Variants in DDX6 observed in about 807,000 individuals in gnomAD.
The protein encoded by DDX6 is probable ATP-dependent RNA helicase DDX6.
Under a neutral mutation model 60.6 loss-of-function variants are expected in DDX6, and 7 were observed. The ratio of observed to expected loss-of-function variants is 0.12; its 90% CI spans 0.07 to 0.22. The LOEUF (loss-of-function observed/expected upper bound fraction) is 0.22, where lower values mean the gene tolerates loss of function less well. DDX6 is among the 10% of genes least tolerant of loss of function. The pLI is 1.00. For missense variants in DDX6, 270 were observed against 589.9 expected (o/e 0.46, Z 5.62); for synonymous variants, 207 against 201.0 (o/e 1.03, Z -0.25).
At chr11:118,766,311 A>G (rs942423504) in intron 5 of DDX6, among the ~76,000 whole-genome samples, 16 of 151,438 alleles carry the variant, frequency 1.1e-4, no homozygotes, top group African/African-American at 3.9e-4. Flanking sequence ...GCATGTGCCT[A>G]TAGTCTCAGC....
rs570557748 is a variant in DDX6, at chr11:118,780,979, A to G, written c.264+142T>C. ...CACAAAATGGGAATATATAGCCTGA[A>G]TATCTATCTTACTGGGTTGGAGGAG... On this transcript the variant is annotated intron_variant, in intron 3 of 13. Transcript: ENST00000534980. 9.1e-6 allele frequency: 5 copies of G among 552,454 alleles called. No individual in the cohort carries two copies. The South Asian group carries it at 1.1e-4, about 12-fold the overall frequency. The allele number at this position is 552,454 out of a possible 1,614,324, so 34.2% of individuals were successfully genotyped here.
chr11:118,765,990 G>A (rs1302645299), intron 5 of DDX6, among the ~76,000 whole-genome samples: 3 of 151,682 alleles, frequency 2.0e-5, no homozygotes, highest in Admixed American at 2.0e-4. Flanking sequence ...AGAATCGCTT[G>A]AACCCGAGAG....
chr11:118,784,354 G>A (rs1231409728), intron 2 of DDX6, among the ~76,000 whole-genome samples: 1 of 151,986 alleles, frequency 6.6e-6, no homozygotes, highest in Non-Finnish European at 1.5e-5. Flanking sequence ...CTATTTTTCT[G>A]TAGGAAGTGA....
Position 118,779,616 on chromosome 11 carries a change from A to G in DDX6, c.369+16T>C, listed in dbSNP as rs374713882. ...GACACATAACCTTACATATGTGATA[A>G]AAAGGGTTAACATACCTGAATAGGA... On this transcript the variant is annotated intron_variant, in intron 4 of 13. Coordinates refer to ENST00000534980, the MANE Select transcript of DDX6 (RefSeq NM_004397.6). 1.9e-5 allele frequency: 30 copies of G among 1,548,234 alleles called. No individual in the cohort carries two copies. Among genetic ancestry groups the G allele is most frequent in the African/African-American group, 4.1e-5 (3 of 73,634 alleles).
At chr11:118,779,606 A>G (rs1861820866) in intron 4 of DDX6, 26 bp downstream of exon 4, 10 of 1,442,358 alleles carry the variant, frequency 6.9e-6, no homozygotes, top group African/African-American at 2.8e-5. Context: ...ATAACCTTAC[A>G]TATGTGATAA....
intron 13 of DDX6, among the ~76,000 whole-genome samples, chr11:118,754,168 G>A (rs530028843): frequency 6.6e-6 from 1 of 152,292 alleles, no homozygotes; most frequent in East Asian, 1.9e-4. Flanking sequence ...AGTGGCTTGC[G>A]CCTATAATCC....
At position 118,765,315 on chromosome 11, in the gene DDX6, G is replaced by T. The variant is rs1861312941; in HGVS notation, c.540C>A (p.Val180=). 3 of 1,613,820 alleles carry T rather than the reference G, an allele frequency of 1.9e-6. No individual in the cohort carries two copies. The highest frequency in any genetic ancestry group is 1.1e-5 in the South Asian group (1 of 91,084). ...TGCTGACCTGGATGCAAATTTGACTGACCTGTAGAGCAAGTTCTCTAGTGG... is the reference window on the plus strand; with the variant it reads ...TGCTGACCTGGATGCAAATTTGACTTACCTGTAGAGCAAGTTCTCTAGTGG... ...IVPTRELALQ[V]SQICIQVSKH... is the part of the protein sequence containing the mutation. The change falls in exon 6 of 14, where the codon GTC becomes GTA. Residue 180 remains valine (V), a synonymous_variant. Transcript: ENST00000534980.
Position 118,760,031 on chromosome 11 carries a change from A to T in DDX6, c.755T>A (p.Leu252Gln). 1 of 1,612,246 alleles carries T rather than the reference A, an allele frequency of 6.2e-7. No homozygotes were observed. Among genetic ancestry groups the T allele is most frequent in the Non-Finnish European group, 8.5e-7 (1 of 1,179,438 alleles). The change falls in exon 8 of 14, where the codon CTG becomes CAG. Residue 252 changes from leucine (L) to glutamine (Q), a missense_variant. Leu to Gln is a moderately radical substitution (Grantham distance 113). Around this residue, in one of 8 missense-constraint regions of DDX6, gnomAD observed 69 missense variants for 208.2 expected, o/e 0.33. Coordinates refer to ENST00000534980, the MANE Select transcript of DDX6 (RefSeq NM_004397.6). Reference protein sequence around the residue: ...MIVLDEADKLLSQDFVQIMED... With the variant: ...MIVLDEADKLQSQDFVQIMED... ...CATTATCTGCACAAAATCCTGTGAC[A>T]GCAACTTATCTGCCTGCAGTAGAAA...
intron 1 of DDX6, chr11:118,787,936 G>A (rs1292388118): frequency 2.7e-5 from 4 of 150,940 alleles, no homozygotes; most frequent in South Asian, 4.2e-4. Flanking sequence ...ATCCGCGGAA[G>A]ACTAAACACA....
chr11:118,758,985 T>C, intron 8 of DDX6, 83 bp from the exon 9 acceptor site: 1 of 1,535,688 alleles, frequency 6.5e-7, no homozygotes, highest in South Asian at 1.2e-5. Flanking sequence ...ACCCTATACG[T>C]TTCTGTCCGA....
intron 10 of DDX6, 45 bp from the exon 11 acceptor site, chr11:118,756,368 G>A (rs782115935): frequency 1.4e-6 from 2 of 1,440,088 alleles, no homozygotes; most frequent in East Asian, 4.6e-5. Flanking sequence ...CTCATATACA[G>A]CCCCAAATTT....
At chr11:118,762,079 A>T (rs553698222) in intron 7 of DDX6, among the ~76,000 whole-genome samples, 1 of 152,202 alleles carries the variant, frequency 6.6e-6, no homozygotes, top group South Asian at 2.1e-4. Context: ...GTTCGAGACT[A>T]GCCTGGCCAA....
intron 1 of DDX6, chr11:118,790,183 G>C (rs1862221437): frequency 1.3e-5 from 2 of 152,140 alleles, no homozygotes; most frequent in Non-Finnish European, 2.9e-5. Flanking sequence ...AGAGATACGG[G>C]AAAGAGTCAT....
chr11:118,755,603 AT>A, intron 11 of DDX6, 100 bp from the exon 12 acceptor site: 1 of 660,030 alleles, frequency 1.5e-6, no homozygotes, highest in East Asian at 2.7e-5. Context: ...TATTAATTTA[AT>A]TCAGTTATTC....
intron 4 of DDX6, among the ~76,000 whole-genome samples, chr11:118,779,155 C>CTA (rs1555164159): frequency 4.2e-5 from 1 of 23,614 alleles, no homozygotes; most frequent in Non-Finnish European, 8.6e-5. Flanking sequence ...GACCCAGTTG[C>CTA]CAAAAAAAAA....
At chr11:118,761,474 G>A (rs1367426777) in intron 7 of DDX6, among the ~76,000 whole-genome samples, 6 of 145,508 alleles carry the variant, frequency 4.1e-5, no homozygotes, top group Admixed American at 1.4e-4. Context: ...AAATTAGCCC[G>A]GCATGGTGGC....
chr11:118,782,637 A>AGT (rs1861936843), intron 2 of DDX6, among the ~76,000 whole-genome samples: 1 of 96,124 alleles, frequency 1.0e-5, no homozygotes, highest in Non-Finnish European at 1.9e-5. Flanking sequence ...CTACTACTGT[A>AGT]CTAAAGCCTT....
chr11:118,759,623 G>C (rs1282826774), intron 8 of DDX6, among the ~76,000 whole-genome samples: 4 of 152,124 alleles, frequency 2.6e-5, no homozygotes, highest in East Asian at 3.8e-4. Context: ...GGATACTCAA[G>C]CTCTGTTTTG....
chr11:118,770,454 AGCT>A (rs1555162285), intron 4 of DDX6, among the ~76,000 whole-genome samples: 1 of 152,208 alleles, frequency 6.6e-6, no homozygotes, highest in African/African-American at 2.4e-5. Flanking sequence ...AGCCCTTTAA[AGCT>A]GCTATTGGTA....
Sources: allele counts gnomAD v4.1 joint callset (sites outside exome capture counted in the v4.1 genomes callset), GRCh38; gene constraint gnomAD v4.1.1; regional missense constraint gnomAD v4.1.1; transcripts MANE v1.5; gene names NCBI Gene and HGNC (gene_info 2026-07-23, HGNC 2026-07-21).